DNAH8: variants seen among roughly 807,000 people sequenced by gnomAD.
The protein encoded by DNAH8 is axonemal beta dynein heavy chain 8.
Under a neutral mutation model 562.1 loss-of-function variants are expected in DNAH8, and 382 were observed. The ratio of observed to expected loss-of-function variants is 0.68; its 90% CI spans 0.63 to 0.74. The LOEUF (loss-of-function observed/expected upper bound fraction) is 0.74, where lower values mean the gene tolerates loss of function less well. Among genes scored for constraint, DNAH8 ranks in the 30% least tolerant of loss-of-function variants. The pLI is 0.00. For synonymous variants in DNAH8, 1,881 were observed against 1,919.4 expected (o/e 0.98, Z 0.52); for missense variants, 5,203 against 5,620.4 (o/e 0.93, Z 2.37).
chr6:39,026,718 T>G (rs1767315387), intron 92 of DNAH8, 51 bp downstream of exon 92: 1 of 1,596,518 alleles, frequency 6.3e-7, no homozygotes, highest in South Asian at 1.1e-5. Context: ...AGAGCTGAAA[T>G]TTCAAGTTCT....
intron 43 of DNAH8, among the ~76,000 whole-genome samples, chr6:38,861,954 T>G (rs1286000720): frequency 1.3e-5 from 2 of 151,300 alleles, no homozygotes; most frequent in African/African-American, 4.9e-5. Context: ...ACCAGGTTTT[T>G]TTTTTTTTTT....
intron 76 of DNAH8, among the ~76,000 whole-genome samples, chr6:38,934,538 T>G (rs941054519): frequency 2.0e-5 from 3 of 152,148 alleles, no homozygotes; most frequent in African/African-American, 7.2e-5. Flanking sequence ...CCTTCCCAAA[T>G]AAGTTTTAAA....
At chr6:38,906,967 A>G (rs1043433854) in intron 63 of DNAH8, among the ~76,000 whole-genome samples, 1 of 152,190 alleles carries the variant, frequency 6.6e-6, no homozygotes, top group Non-Finnish European at 1.5e-5. Context: ...TAGATTTCAG[A>G]TTTTTTGATT....
intron 8 of DNAH8, among the ~76,000 whole-genome samples, chr6:38,745,751 A>G (rs1338434733): frequency 6.6e-6 from 1 of 152,098 alleles, no homozygotes; most frequent in African/African-American, 2.4e-5. Flanking sequence ...ATACTTCATG[A>G]GCTTGATACT....
chr6:38,842,102 A>AT lies in DNAH8; in HGVS notation c.4467-258dup, dbSNP rs1262498742. Among the ~76,000 whole-genome samples the AT allele has an allele frequency of 5.9e-5, 9 of 152,086 alleles. No individual in the cohort carries two copies. In the South Asian group the frequency reaches 1.0e-3, roughly 18 times the overall value. On this transcript the variant is annotated intron_variant, in intron 33 of 92. Transcript: ENST00000327475. The stretch of plus-strand genomic sequence containing the variant: ...AAGTTTCTCATTAAAAAGTAGCAAG[A>AT]TTTTTTTTCTTTACAGAATAAACCA...
chr6:38,784,837 G>A lies in DNAH8; in HGVS notation c.2395+1698G>A, dbSNP rs1031157346. ...TTCAGATAGTCTGGCTTCCAAATCC[G>A]TTCTCTTAACCATTTAAAATACTGT... On this transcript the variant is annotated intron_variant, in intron 17 of 92. Coordinates refer to ENST00000327475, the MANE Select transcript of DNAH8 (RefSeq NM_001206927.2). 5.9e-5 allele frequency among the ~76,000 whole-genome samples: 9 copies of A among 152,272 alleles called. 1 individual carries two copies. The highest frequency in any genetic ancestry group is 4.1e-4 in the South Asian group (2 of 4,828).
In DNAH8 at chr6:38,981,409, T is replaced by G. The variant is rs191120195; in HGVS notation, c.12835-937T>G. Among the ~76,000 whole-genome samples, 639 of 152,296 alleles carry G rather than the reference T, an allele frequency of 4.2e-3. 2 individuals are homozygous for G. The highest frequency in any genetic ancestry group is 7.8e-3 in the Non-Finnish European group (529 of 68,016). On this transcript the variant is annotated intron_variant, in intron 85 of 92. Transcript: ENST00000327475. ...TTGAATCATTTGCTCTGAGTCCAGTTTGATTATTTATTGGTGATTTGACAA... is the reference window on the plus strand; with the variant it reads ...TTGAATCATTTGCTCTGAGTCCAGTGTGATTATTTATTGGTGATTTGACAA...
At chr6:38,861,724 G>A (rs1001632689) in intron 43 of DNAH8, among the ~76,000 whole-genome samples, 1 of 152,148 alleles carries the variant, frequency 6.6e-6, no homozygotes, top group Non-Finnish European at 1.5e-5. Flanking sequence ...AATAGAGACA[G>A]GGTTTCACCG....
chr6:38,741,083 T>A (rs1212628411), intron 7 of DNAH8, among the ~76,000 whole-genome samples: 1 of 152,164 alleles, frequency 6.6e-6, no homozygotes, highest in African/African-American at 2.4e-5. Flanking sequence ...ACTTATCATG[T>A]CCTTGGTTTT....
intron 13 of DNAH8, 62 bp downstream of exon 13, chr6:38,776,013 T>C (rs1389472249): frequency 9.7e-7 from 1 of 1,025,976 alleles, no homozygotes; most frequent in East Asian, 2.4e-5. Flanking sequence ...TACTATCTGG[T>C]ACTTTTTGTA....
intron 73 of DNAH8, among the ~76,000 whole-genome samples, chr6:38,925,722 A>G (rs891452837): frequency 3.3e-5 from 5 of 152,150 alleles, no homozygotes; most frequent in Non-Finnish European, 7.3e-5. Flanking sequence ...CTGACATTTC[A>G]TTATATTCAC....
chr6:38,730,031 C>T (rs755078339), intron 4 of DNAH8, 45 bp downstream of exon 4: 47 of 854,700 alleles, frequency 5.5e-5, no homozygotes, highest in African/African-American at 8.5e-5. Context: ...AGTTCATGCA[C>T]GTTAAAGTGC....
At chr6:38,781,169 A>G (rs1025956399) in intron 15 of DNAH8, 85 bp from the exon 16 acceptor site, 2 of 1,444,478 alleles carry the variant, frequency 1.4e-6, no homozygotes, top group African/African-American at 2.8e-5. Context: ...GAATAATGAT[A>G]AAACAATACA....
Position 38,870,477 on chromosome 6 carries a change from A to C in DNAH8, c.6905A>C (p.Tyr2302Ser). Residue 2302 changes from tyrosine to serine, a missense_variant, in exon 49 of 93, where the codon TAT (tyrosine) becomes TCT (serine). Tyr to Ser is a moderately radical substitution (Grantham distance 144). This residue lies in a region of DNAH8 where 2,176 missense variants were observed against 2,365.1 expected (regional missense o/e 0.92). Coordinates refer to ENST00000327475, the MANE Select transcript of DNAH8 (RefSeq NM_001206927.2). The stretch of plus-strand genomic sequence containing the variant: ...GGACTGCAACTGGATAGTAATACTT[A>C]TGCAGAACTGCAAAACGCAGTAGCC... ...FPGLQLDSNT[Y>S]AELQNAVAHQ... 6.2e-7 allele frequency: 1 copy of C among 1,614,120 alleles called. No homozygotes were observed. The highest frequency in any genetic ancestry group is 8.5e-7 in the Non-Finnish European group (1 of 1,179,962).
At chr6:38,891,458 A>G (rs1407257315) in intron 58 of DNAH8, among the ~76,000 whole-genome samples, 9 of 152,254 alleles carry the variant, frequency 5.9e-5, no homozygotes, top group Non-Finnish European at 1.3e-4. Flanking sequence ...ACATGTGGGC[A>G]CGCACTTGTC....
chr6:39,007,965 T>A (rs1282475685), intron 88 of DNAH8, among the ~76,000 whole-genome samples: 1 of 92,752 alleles, frequency 1.1e-5, no homozygotes, highest in Non-Finnish European at 2.0e-5. Flanking sequence ...ACACACACAT[T>A]TCTACTCAAA....
chr6:38,901,905 CT>C (rs1361905469), intron 62 of DNAH8, among the ~76,000 whole-genome samples: 2 of 152,112 alleles, frequency 1.3e-5, no homozygotes, highest in Non-Finnish European at 2.9e-5. Flanking sequence ...GTATTTCTGA[CT>C]TTTTGAAATA....
chr6:39,012,329 C>A lies in DNAH8; in HGVS notation c.13486C>A (p.Leu4496Ile). 1.2e-6 allele frequency: 2 copies of A among 1,613,182 alleles called. No homozygotes were observed. The highest frequency in any genetic ancestry group is 1.7e-6 in the Non-Finnish European group (2 of 1,179,286). Reference protein sequence around the residue: ...ISILRSSLSDLKLAIEGTIIM... With the variant: ...ISILRSSLSDIKLAIEGTIIM... ...AATACTCCGCAGTAGCCTGAGTGAT[C>A]TAAAATTGGCCATTGAAGGAACAAT... The change falls in exon 90 of 93, where the codon CTA becomes ATA. Residue 4496 changes from leucine to isoleucine, a missense_variant. Coordinates refer to ENST00000327475, the MANE Select transcript of DNAH8 (RefSeq NM_001206927.2).
Position 38,915,227 on chromosome 6 carries a change from T to C in DNAH8, c.9990T>C (p.Ala3330=). Residue 3330 remains alanine (A), a synonymous_variant, in exon 68 of 93, where the codon GCT becomes GCC. Transcript: ENST00000327475. ...TATTAGCAGAAGTCACAGTAAGCGC[T>C]CAGGCTTCAGCCAAAATTAAAAATG... ...DEVLAEVTVS[A]QASAKIKNEV... 1 of 1,606,350 alleles carries C rather than the reference T, an allele frequency of 6.2e-7. No homozygotes were observed. The highest frequency in any genetic ancestry group is 8.5e-7 in the Non-Finnish European group (1 of 1,177,350).
Sources: gnomAD v4.1 joint callset for allele counts (sites outside exome capture counted in the v4.1 genomes callset) on GRCh38, gnomAD v4.1.1 for gene constraint, gnomAD v4.1.1 regional missense constraint, MANE v1.5 for transcripts, NCBI Gene and HGNC (gene_info 2026-07-23, HGNC 2026-07-21) for gene names.